The following HDAC4 variants were observed in gnomAD, a reference collection of about 807,000 sequenced individuals.
HDAC4 encodes the protein histone deacetylase A.
In HDAC4, 16 loss-of-function variants were observed where a neutral mutation model predicts 135.1. The observed-to-expected ratio is 0.12, with a 90% CI of 0.08 to 0.18. The LOEUF (loss-of-function observed/expected upper bound fraction) is 0.18. Ranked by LOEUF, HDAC4 falls within the 10% of genes least tolerant of loss-of-function variation. The pLI is 1.00. For synonymous variants in HDAC4, 685 were observed against 653.4 expected, an observed-to-expected ratio of 1.05 and a Z score of -0.74; for missense variants, 1,143 against 1,511.8, an observed-to-expected ratio of 0.76 and a Z score of 4.05.
intron 6 of HDAC4, 49 bp from the exon 7 acceptor site, chr2:239,156,822 C>T: frequency 6.2e-7 from 1 of 1,612,320 alleles, no homozygotes; most frequent in Non-Finnish European, 8.5e-7. Context: ...GCGCACTGCC[C>T]CAGGCATGCT....
chr2:239,193,238 G>A (rs574841884), intron 3 of HDAC4, among the ~76,000 whole-genome samples: 40 of 152,344 alleles, frequency 2.6e-4, no homozygotes, highest in Middle Eastern at 3.4e-3. Flanking sequence ...TGGCTTTAGC[G>A]CATCCCCCTC....
intron 12 of HDAC4, among the ~76,000 whole-genome samples, chr2:239,119,019 G>A (rs984962429): frequency 4.6e-5 from 7 of 152,182 alleles, no homozygotes; most frequent in African/African-American, 1.7e-4. Flanking sequence ...GGGGCGCCGG[G>A]TGAAGCAGCG....
intron 7 of HDAC4, chr2:239,155,413 TATGGCCCACTCCACCTGGGAC>T (rs535241859): frequency 0.018 from 2,736 of 152,058 alleles, 70 homozygotes; most frequent in African/African-American, 0.058. Context: ...GCTGGCCTGA[TATGGCCCACTCCACCTGGGAC>T]ATGGCCCACT....
intron 3 of HDAC4, among the ~76,000 whole-genome samples, chr2:239,196,509 T>G (rs886721394): frequency 6.6e-6 from 1 of 152,156 alleles, no homozygotes; most frequent in East Asian, 1.9e-4. Flanking sequence ...GCAACACCAG[T>G]GCAGTGGAAG....
Position 239,245,071 on chromosome 2 carries a change from A to C in HDAC4, c.23-8407T>G, listed in dbSNP as rs979327131. On this transcript the variant is annotated intron_variant, in intron 2 of 26. Transcript: ENST00000543185. This position sits in a 1 kb window ranked among gnomAD's most constrained non-coding sequence, Gnocchi z 4.4. ...TGCTGTGAATTCCTCAGGCATGTCC[A>C]ACATAGTTTATGTGCATTTATTAGA... is the stretch of plus-strand genomic sequence containing the variant. 2.0e-5 allele frequency among the ~76,000 whole-genome samples: 3 copies of C among 152,268 alleles called. No individual in the cohort carries two copies. Among genetic ancestry groups the C allele is most frequent in the African/African-American group, 7.2e-5 (3 of 41,476 alleles).
At chr2:239,315,735 C>T (rs1247200542) in intron 2 of HDAC4, among the ~76,000 whole-genome samples, 1 of 152,170 alleles carries the variant, frequency 6.6e-6, no homozygotes, top group East Asian at 1.9e-4. Flanking sequence ...CCAAACCTAA[C>T]ACCATACACA....
rs1262670765 is a variant in HDAC4 at position 239,053,155 on chromosome 2, AAGG to A, written c.3231-22_3231-20del. ...ATCTGGTCTGTGGATCCCGCAAGAG[AAGG>A]AGATGGGGGCGTGGGGCAGGTGCAC... On this transcript the variant is annotated intron_variant, in intron 26 of 26. Transcript: ENST00000543185. 3 of 1,613,732 alleles carry A rather than the reference AAGG, an allele frequency of 1.9e-6. No homozygotes were observed. The highest frequency in any genetic ancestry group is 1.7e-5 in the Admixed American group (1 of 59,984).
intron 6 of HDAC4, among the ~76,000 whole-genome samples, chr2:239,157,411 G>A (rs564032488): frequency 6.6e-5 from 10 of 152,336 alleles, no homozygotes; most frequent in South Asian, 4.1e-4. Context: ...GCTGACCTAC[G>A]AAAGGGACTT....
At position 239,141,349 on chromosome 2, in the gene HDAC4, G is replaced by A; in HGVS notation, c.866-1553C>T. Among the ~76,000 whole-genome samples the A allele has an allele frequency of 6.6e-6, 1 of 152,200 alleles. No individual in the cohort carries two copies. The highest frequency in any genetic ancestry group is 1.5e-5 in the Non-Finnish European group (1 of 68,034). ...CATGGCTCTTGGAGCTCAAAAGAGT[G>A]TGGGGTCAGCTCACTGTCCTGGGCA... is the stretch of plus-strand genomic sequence containing the variant. On this transcript the variant is annotated intron_variant, in intron 8 of 26. Transcript: ENST00000543185. This position sits in a 1 kb window ranked among gnomAD's most constrained non-coding sequence, Gnocchi z 4.9.
chr2:239,188,209 T>C (rs1451023565), intron 4 of HDAC4, among the ~76,000 whole-genome samples: 1 of 152,234 alleles, frequency 6.6e-6, no homozygotes. Context: ...GAGCTGTCCC[T>C]GAGCCTGTCC....
chr2:239,228,496 C>G (rs1281133087), intron 3 of HDAC4, among the ~76,000 whole-genome samples: 1 of 152,112 alleles, frequency 6.6e-6, no homozygotes, highest in African/African-American at 2.4e-5. Context: ...GCAGTGTTTC[C>G]AGAGAAACCT....
chr2:239,053,550 A>G lies in HDAC4; in HGVS notation c.3140T>C (p.Leu1047Pro). ...QRTTSTAGRS[L>P]IEAQTCENEE... ...GTTCTCGCAAGTCTGAGCCTCGATCAGAGAACGCCCCGCTGTGGAGGTTGT... is the reference window on the plus strand; with the variant it reads ...GTTCTCGCAAGTCTGAGCCTCGATCGGAGAACGCCCCGCTGTGGAGGTTGT... Residue 1047 changes from leucine to proline, a missense_variant, in exon 26 of 27, where the codon CTG (leucine) becomes CCG (proline). By Grantham distance (98) the Leu-to-Pro change is moderately conservative. Transcript: ENST00000543185. 6.2e-7 allele frequency: 1 copy of G among 1,613,982 alleles called. No individual in the cohort carries two copies. The highest frequency in any genetic ancestry group is 8.5e-7 in the Non-Finnish European group (1 of 1,179,988).
Position 239,290,658 on chromosome 2 carries a change from C to T in HDAC4, c.23-53994G>A, listed in dbSNP as rs961583438. Among the ~76,000 whole-genome samples the T allele has an allele frequency of 5.3e-5, 8 of 152,150 alleles. No homozygotes were observed. The East Asian group carries it at 7.7e-4, about 15-fold the overall frequency. Reference sequence around the variant, plus strand: ...ATGTACGCACACACAACCACACATGCGCGCACGCATGCATTCAGTTCGCAC... The same window carrying T: ...ATGTACGCACACACAACCACACATGTGCGCACGCATGCATTCAGTTCGCAC... On this transcript the variant is annotated intron_variant, in intron 2 of 26. Coordinates refer to ENST00000543185, the MANE Select transcript of HDAC4 (RefSeq NM_001378414.1).
chr2:239,093,463 A>G lies in HDAC4; in HGVS notation c.2280+1547T>C, dbSNP rs1422770821. 3.9e-5 allele frequency among the ~76,000 whole-genome samples: 6 copies of G among 152,320 alleles called. No individual in the cohort carries two copies. In the East Asian group the frequency reaches 1.2e-3, roughly 29 times the overall value. On this transcript the variant is annotated intron_variant, in intron 17 of 26. Transcript: ENST00000543185. ...CAGGAGAGCTGCATCTGTGCCAGCG[A>G]CAGCAGGTGCATCCCACACCAGGGC...
chr2:239,074,549 C>A (rs912379201), intron 22 of HDAC4, among the ~76,000 whole-genome samples: 1 of 152,240 alleles, frequency 6.6e-6, no homozygotes, highest in African/African-American at 2.4e-5. Flanking sequence ...ACTGGCACGT[C>A]GGCCACACGT....
chr2:239,294,312 T>C (rs2051716669), intron 2 of HDAC4, among the ~76,000 whole-genome samples: 1 of 152,114 alleles, frequency 6.6e-6, no homozygotes, highest in Non-Finnish European at 1.5e-5. Context: ...ACGTGGACAC[T>C]GGGAGCTCCT....
intron 7 of HDAC4, among the ~76,000 whole-genome samples, chr2:239,155,744 C>T (rs1287110925): frequency 1.3e-5 from 2 of 152,178 alleles, no homozygotes; most frequent in African/African-American, 2.4e-5. Flanking sequence ...CAAAAAAAAG[C>T]GGTGCCCCTA....
At position 239,109,267 on chromosome 2, in the gene HDAC4, G is replaced by A. The variant is rs530240915; in HGVS notation, c.1979-1084C>T. 9.8e-5 allele frequency among the ~76,000 whole-genome samples: 15 copies of A among 152,358 alleles called. No homozygotes were observed. The South Asian group carries it at 3.1e-3, about 32-fold the overall frequency. On this transcript the variant is annotated intron_variant, in intron 14 of 26. Transcript: ENST00000543185. Reference sequence around the variant, plus strand: ...ACTGGCCAGGGGCACCTGTGCTAATGTGGGTTCATCCAGGCTGATAAGGGC... The same window carrying A: ...ACTGGCCAGGGGCACCTGTGCTAATATGGGTTCATCCAGGCTGATAAGGGC...
chr2:239,337,452 CCTCTCT>C (rs1003249480), intron 2 of HDAC4, among the ~76,000 whole-genome samples: 2 of 152,274 alleles, frequency 1.3e-5, no homozygotes, highest in Admixed American at 1.3e-4. Flanking sequence ...CTGCAAACTT[CCTCTCT>C]CTAACAGGAA....
Sources: allele counts gnomAD v4.1 joint callset (sites outside exome capture counted in the v4.1 genomes callset), GRCh38; gene constraint gnomAD v4.1.1; non-coding constraint Gnocchi (gnomAD v3.1); transcripts MANE v1.5; gene names NCBI Gene and HGNC (gene_info 2026-07-23, HGNC 2026-07-21).